CNTNAP5: variants seen among roughly 807,000 people sequenced by gnomAD.
The protein encoded by CNTNAP5 is contactin-associated protein-like 5.
In CNTNAP5, 72 loss-of-function variants were observed where a neutral mutation model predicts 150.2. The ratio of observed to expected loss-of-function variants is 0.48; its 90% CI spans 0.40 to 0.58. CNTNAP5 has a LOEUF of 0.58. Among genes scored for constraint, CNTNAP5 ranks in the 20% least tolerant of loss-of-function variants. CNTNAP5 has a pLI of 0.00. For synonymous variants in CNTNAP5, 672 were observed against 619.8 expected, an observed-to-expected ratio of 1.08 and a Z score of -1.25; for missense variants, 1,636 against 1,626.2, an observed-to-expected ratio of 1.01 and a Z score of -0.10.
chr2:124,108,906 GC>G (rs1425705981), intron 1 of CNTNAP5, among the ~76,000 whole-genome samples: 1 of 152,052 alleles, frequency 6.6e-6, no homozygotes, highest in Non-Finnish European at 1.5e-5. Flanking sequence ...TGTCATTCAT[GC>G]CCCTATCCTC....
intron 10 of CNTNAP5, among the ~76,000 whole-genome samples, chr2:124,547,738 T>C (rs1695546243): frequency 6.6e-6 from 1 of 152,204 alleles, no homozygotes; most frequent in Non-Finnish European, 1.5e-5. Context: ...TCTTTTCTCA[T>C]AGCAGAAGCC....
intron 1 of CNTNAP5, among the ~76,000 whole-genome samples, chr2:124,188,732 A>C (rs2104691307): frequency 6.6e-6 from 1 of 151,044 alleles, no homozygotes; most frequent in South Asian, 2.1e-4. Context: ...AAAAAAAAAA[A>C]AAAAAAGACA....
intron 6 of CNTNAP5, among the ~76,000 whole-genome samples, chr2:124,451,081 C>CACAT (rs1553469355): frequency 3.6e-4 from 38 of 106,600 alleles, no homozygotes; most frequent in African/African-American, 1.4e-3. Flanking sequence ...TATATATACA[C>CACAT]ACACACACAC....
At chr2:124,188,423 C>T (rs1173989416) in intron 1 of CNTNAP5, among the ~76,000 whole-genome samples, 1 of 151,766 alleles carries the variant, frequency 6.6e-6, no homozygotes. Context: ...AAAGAAGGAA[C>T]AAAAAGAAAG....
intron 3 of CNTNAP5, among the ~76,000 whole-genome samples, chr2:124,372,268 G>T (rs1277997440): frequency 1.3e-5 from 2 of 151,814 alleles, no homozygotes; most frequent in Non-Finnish European, 2.9e-5. Context: ...GCCTCATACT[G>T]GGGACTGTGC....
At chr2:124,410,499 T>C (rs1691723469) in intron 3 of CNTNAP5, among the ~76,000 whole-genome samples, 1 of 143,598 alleles carries the variant, frequency 7.0e-6, no homozygotes, top group East Asian at 2.1e-4. Flanking sequence ...CCTCAGCAAA[T>C]GTAAAAGAAC....
In CNTNAP5 at chr2:124,292,822, A is replaced by G. The variant is rs111947823; in HGVS notation, c.381+50429A>G. On this transcript the variant is annotated intron_variant, in intron 3 of 23. Coordinates refer to ENST00000682447, the MANE Select transcript of CNTNAP5 (RefSeq NM_001367498.1). Reference sequence around the variant, plus strand: ...ATCTCAGCATCTAAAGACAGAATAAATAATATCGTGGTCTACAAAGAAGCC... The same window carrying G: ...ATCTCAGCATCTAAAGACAGAATAAGTAATATCGTGGTCTACAAAGAAGCC... Among the ~76,000 whole-genome samples the G allele has an allele frequency of 9.9e-4, 150 of 152,234 alleles. 1 individual carries two copies. Among genetic ancestry groups the G allele is most frequent in the African/African-American group, 3.5e-3 (144 of 41,580 alleles).
intron 3 of CNTNAP5, among the ~76,000 whole-genome samples, chr2:124,394,847 C>T (rs1422766611): frequency 1.3e-5 from 2 of 152,182 alleles, no homozygotes; most frequent in African/African-American, 2.4e-5. Context: ...TGCTGCCCAC[C>T]AGGGAATCTT....
rs1246370845 is a variant in CNTNAP5 at position 124,504,457 on chromosome 2, CT to C, written c.1229del (p.Leu410ArgfsTer10). On this transcript the variant is annotated frameshift_variant, in exon 8 of 24. Transcript: ENST00000682447. LOFTEE classifies it high-confidence loss of function. Reference sequence around the variant, plus strand: ...GGATGGTCTGCTTCTGTCCACAGAGCTGTCTGAGGGCTCGGGAACCCTGCTG... The same window carrying C: ...GGATGGTCTGCTTCTGTCCACAGAGCGTCTGAGGGCTCGGGAACCCTGCTG... ...NKDGLLLSTE[L>X]SEGSGTLLLS... 6.2e-7 allele frequency: 1 copy of C among 1,613,618 alleles called. No individual in the cohort carries two copies.
chr2:124,369,063 G>A (rs1690451664), intron 3 of CNTNAP5, among the ~76,000 whole-genome samples: 1 of 152,160 alleles, frequency 6.6e-6, no homozygotes, highest in Non-Finnish European at 1.5e-5. Flanking sequence ...AAAAGGGGAA[G>A]AGAGAGACAA....
chr2:124,816,976 G>T (rs1301925605), intron 19 of CNTNAP5, among the ~76,000 whole-genome samples: 1 of 152,086 alleles, frequency 6.6e-6, no homozygotes, highest in Non-Finnish European at 1.5e-5. Context: ...CAGAAGTTGG[G>T]GTTCTATGTG....
chr2:124,191,713 G>A (rs887340929), intron 1 of CNTNAP5, among the ~76,000 whole-genome samples: 1 of 151,950 alleles, frequency 6.6e-6, no homozygotes. Context: ...GTCAGGAGTT[G>A]AGACCAGCCT....
intron 13 of CNTNAP5, among the ~76,000 whole-genome samples, chr2:124,746,201 C>T (rs1346375433): frequency 1.3e-5 from 2 of 152,158 alleles, no homozygotes; most frequent in African/African-American, 4.8e-5. Context: ...GGAGCCCAGG[C>T]CTCACATCCT....
At chr2:124,217,455 T>C (rs1432358860) in intron 1 of CNTNAP5, among the ~76,000 whole-genome samples, 1 of 152,160 alleles carries the variant, frequency 6.6e-6, no homozygotes, top group African/African-American at 2.4e-5. Flanking sequence ...CTGAGGGAGA[T>C]AACATGTTCT....
At chr2:124,391,942 C>T (rs1020304676) in intron 3 of CNTNAP5, among the ~76,000 whole-genome samples, 4 of 149,800 alleles carry the variant, frequency 2.7e-5, no homozygotes, top group South Asian at 2.1e-4. Context: ...GGTGACAGAG[C>T]GAGACTCCGT....
At position 124,562,057 on chromosome 2, in the gene CNTNAP5, T is replaced by C. The variant is rs139031257; in HGVS notation, c.1650-1160T>C. On this transcript the variant is annotated intron_variant, in intron 10 of 23. Transcript: ENST00000682447. ...CACCAACCAGGTTATCTCTTAATGG[T>C]GGCAGTATAAGAGGTGCAAAGAATA... 4.3e-3 allele frequency among the ~76,000 whole-genome samples: 662 copies of C among 152,308 alleles called. 4 individuals carry two copies. Among genetic ancestry groups the C allele is most frequent in the African/African-American group, 0.015 (629 of 41,578 alleles).
At chr2:124,711,210 G>T (rs1183816912) in intron 13 of CNTNAP5, among the ~76,000 whole-genome samples, 4 of 152,018 alleles carry the variant, frequency 2.6e-5, no homozygotes, top group Non-Finnish European at 5.9e-5. Flanking sequence ...GGCGGAGGTT[G>T]TGGTGAACAG....
chr2:124,619,493 A>G (rs970375904), intron 12 of CNTNAP5, among the ~76,000 whole-genome samples: 19 of 152,062 alleles, frequency 1.2e-4, no homozygotes, highest in African/African-American at 4.6e-4. Flanking sequence ...GGTTAATTTT[A>G]TGTATCAACT....
chr2:124,890,286 C>G (rs1678168182), intron 21 of CNTNAP5, among the ~76,000 whole-genome samples: 1 of 152,072 alleles, frequency 6.6e-6, no homozygotes, highest in African/African-American at 2.4e-5. Context: ...TCCGGAAGTG[C>G]CCAGGTTTTG....
Sources: gnomAD v4.1 joint callset for allele counts (sites outside exome capture counted in the v4.1 genomes callset) on GRCh38, gnomAD v4.1.1 for gene constraint, MANE v1.5 for transcripts, NCBI Gene and HGNC (gene_info 2026-07-23, HGNC 2026-07-21) for gene names.